COLEC12: variants seen among roughly 807,000 people sequenced by gnomAD.
The protein encoded by COLEC12 is collectin subfamily member 12, also known as collectin-12.
A neutral mutation model predicts 71.1 loss-of-function variants in COLEC12; 33 were observed. The observed-to-expected ratio is 0.46, with a 90% CI of 0.35 to 0.62. COLEC12 has a LOEUF of 0.62. COLEC12 is among the 20% of genes least tolerant of loss of function. The pLI, the probability that COLEC12 is intolerant of heterozygous loss-of-function variation, is 0.00. For synonymous variants in COLEC12, 350 were observed against 353.0 expected, an observed-to-expected ratio of 0.99 and a Z score of 0.10; for missense variants, 765 against 916.1, an observed-to-expected ratio of 0.84 and a Z score of 2.13.
chr18:416,119 C>T (rs778252379), intron 2 of COLEC12, among the ~76,000 whole-genome samples: 6 of 152,152 alleles, frequency 3.9e-5, no homozygotes, highest in Non-Finnish European at 8.8e-5. Flanking sequence ...ACCTCTTTGT[C>T]TAGATTCTCC....
chr18:426,551 C>T (rs1439505210), intron 2 of COLEC12, among the ~76,000 whole-genome samples: 3 of 152,114 alleles, frequency 2.0e-5, no homozygotes, highest in Non-Finnish European at 2.9e-5. Flanking sequence ...CATTCCTGAC[C>T]GCTTCTATAT....
chr18:368,634 G>A (rs1914911610), intron 2 of COLEC12, among the ~76,000 whole-genome samples: 2 of 152,156 alleles, frequency 1.3e-5, no homozygotes, highest in South Asian at 4.1e-4. Context: ...GGAGGCCAAG[G>A]TGGGCGGATC....
intron 1 of COLEC12, among the ~76,000 whole-genome samples, chr18:493,264 G>A (rs1412490422): frequency 6.6e-6 from 1 of 152,152 alleles, no homozygotes; most frequent in Admixed American, 6.6e-5. Context: ...ACAGGATCTT[G>A]CTGTGTTGAT....
chr18:489,927 G>A (rs905913997), intron 1 of COLEC12, among the ~76,000 whole-genome samples: 4 of 152,206 alleles, frequency 2.6e-5, no homozygotes, highest in Non-Finnish European at 5.9e-5. Context: ...ATGTCACGGA[G>A]AGATACGGGG....
chr18:483,892 GCATCAGTGGTACCCAGA>G (rs1471294829), intron 1 of COLEC12, among the ~76,000 whole-genome samples: 1 of 152,184 alleles, frequency 6.6e-6, no homozygotes, highest in East Asian at 1.9e-4. Flanking sequence ...ATGAATATCA[GCATCAGTGGTACCCAGA>G]CATCCGTGCC....
intron 2 of COLEC12, among the ~76,000 whole-genome samples, chr18:375,203 T>A (rs1915086512): frequency 6.6e-6 from 1 of 152,200 alleles, no homozygotes; most frequent in East Asian, 1.9e-4. Context: ...CTGAGGTTCA[T>A]GAGGCCCTAC....
At chr18:368,828 T>C (rs995384850) in intron 2 of COLEC12, among the ~76,000 whole-genome samples, 17 of 152,196 alleles carry the variant, frequency 1.1e-4, no homozygotes, top group South Asian at 2.1e-4. Flanking sequence ...ATCACGTCAC[T>C]GCACTCCAGC....
At chr18:379,125 G>GTT (rs368364045) in intron 2 of COLEC12, among the ~76,000 whole-genome samples, 16 of 146,914 alleles carry the variant, frequency 1.1e-4, no homozygotes, top group African/African-American at 1.2e-4. Context: ...TTTTGTTTTT[G>GTT]TTTTTTTTTT....
intron 2 of COLEC12, among the ~76,000 whole-genome samples, chr18:369,732 C>A (rs1914959631): frequency 6.6e-6 from 1 of 152,126 alleles, no homozygotes; most frequent in Non-Finnish European, 1.5e-5. Flanking sequence ...GTTTAAGGTT[C>A]AATTCCCACA....
chr18:477,790 T>C (rs1917334286), intron 2 of COLEC12, among the ~76,000 whole-genome samples: 1 of 152,180 alleles, frequency 6.6e-6, no homozygotes, highest in African/African-American at 2.4e-5. Context: ...AGAGGCAGCA[T>C]CTGACACCCA....
chr18:478,813 C>A (rs1474345200), intron 2 of COLEC12, among the ~76,000 whole-genome samples: 1 of 151,654 alleles, frequency 6.6e-6, no homozygotes, highest in Non-Finnish European at 1.5e-5. Flanking sequence ...ATTTGTACCG[C>A]TTGGCATCAC....
At chr18:482,499 C>A (rs2143775223) in intron 1 of COLEC12, among the ~76,000 whole-genome samples, 1 of 152,302 alleles carries the variant, frequency 6.6e-6, no homozygotes, top group African/African-American at 2.4e-5. Flanking sequence ...TGCCCCAGCA[C>A]ACAACTTTCT....
intron 1 of COLEC12, among the ~76,000 whole-genome samples, chr18:483,836 T>C (rs1206813435): frequency 6.6e-6 from 1 of 152,224 alleles, no homozygotes; most frequent in Non-Finnish European, 1.5e-5. Context: ...TGTTTTTTCA[T>C]TCATTCAATA....
At chr18:402,606 C>A (rs528675289) in intron 2 of COLEC12, among the ~76,000 whole-genome samples, 22 of 152,274 alleles carry the variant, frequency 1.4e-4, no homozygotes, top group Middle Eastern at 6.8e-3. Context: ...TAGCAGAGAT[C>A]TAAAGATCCA....
intron 2 of COLEC12, among the ~76,000 whole-genome samples, chr18:417,357 C>T (rs563006850): frequency 2.4e-4 from 36 of 152,286 alleles, no homozygotes; most frequent in African/African-American, 6.5e-4. Context: ...TATAAGGCAA[C>T]GCCATCATAA....
rs377317221 is a variant in COLEC12, at chr18:368,787, A to G, written c.59-11265T>C. Among the ~76,000 whole-genome samples the G allele has an allele frequency of 4.3e-3, 654 of 152,014 alleles. 6 individuals carry two copies. Among genetic ancestry groups the G allele is most frequent in the African/African-American group, 0.014 (577 of 41,456 alleles). ...AGGCTGAGGCAGGAGAATGGCGTGA[A>G]CCCGGGAGGCGGAGCTTGCAGTGAG... On this transcript the variant is annotated intron_variant, in intron 2 of 9. Coordinates refer to ENST00000400256, the MANE Select transcript of COLEC12 (RefSeq NM_130386.3).
At chr18:429,051 C>A (rs1032137075) in intron 2 of COLEC12, among the ~76,000 whole-genome samples, 6 of 152,138 alleles carry the variant, frequency 3.9e-5, no homozygotes, top group Admixed American at 6.5e-5. Flanking sequence ...ACAAGTGAGA[C>A]TTTTAATTCT....
In COLEC12 at chr18:346,841, T is replaced by C; in HGVS notation, c.781A>G (p.Lys261Glu). 4.3e-6 allele frequency: 7 copies of C among 1,614,186 alleles called. No homozygotes were observed. Among genetic ancestry groups the C allele is most frequent in the Non-Finnish European group, 5.1e-6 (6 of 1,180,004 alleles). ...GCCAGCGTCTGCAAGCTCTGCACTT[T>C]CTCCTTCAGCCAATCCGTGTCCTTC... ...AKKDTDWLKE[K>E]VQSLQTLAAN... Residue 261 changes from lysine to glutamate, a missense_variant, in exon 5 of 10, where the codon AAA becomes GAA. By Grantham distance (56) the Lys-to-Glu change is moderately conservative. Transcript: ENST00000400256. The surrounding 1 kb of genome is among the most constrained non-coding windows in gnomAD (Gnocchi z 4.0).
intron 2 of COLEC12, among the ~76,000 whole-genome samples, chr18:459,220 AG>A (rs1916930735): frequency 1.3e-5 from 2 of 152,190 alleles, no homozygotes. Flanking sequence ...GACTCTAATG[AG>A]GGGTCTGGAT....
Sources: gnomAD v4.1 joint callset for allele counts (sites outside exome capture counted in the v4.1 genomes callset) on GRCh38, gnomAD v4.1.1 for gene constraint, Gnocchi (gnomAD v3.1) non-coding constraint, MANE v1.5 for transcripts, NCBI Gene and HGNC (gene_info 2026-07-23, HGNC 2026-07-21) for gene names.